Variants in PPP2R5C observed in about 807,000 individuals in gnomAD.
The protein encoded by PPP2R5C is serine/threonine-protein phosphatase 2A 56 kDa regulatory subunit gamma isoform.
In PPP2R5C, 7 loss-of-function variants were observed where a neutral mutation model predicts 68.9. The observed-to-expected ratio is 0.10, with a 90% CI of 0.06 to 0.19. The LOEUF (loss-of-function observed/expected upper bound fraction) is 0.19, where lower values mean the gene tolerates loss of function less well. Ranked by LOEUF, PPP2R5C falls within the 10% of genes least tolerant of loss-of-function variation. The probability of loss-of-function intolerance (pLI) is 1.00; values close to 1 mark genes in which losing one functional copy is unlikely to be tolerated. For synonymous variants in PPP2R5C, 210 were observed against 222.2 expected, an observed-to-expected ratio of 0.95 and a Z score of 0.49; for missense variants, 348 against 641.3, an observed-to-expected ratio of 0.54 and a Z score of 4.94.
Position 101,890,236 on chromosome 14 carries a change from G to A in PPP2R5C, c.630-1G>A. 1 of 1,611,896 alleles carries A rather than the reference G, an allele frequency of 6.2e-7. No homozygotes were observed. The highest frequency in any genetic ancestry group is 8.5e-7 in the Non-Finnish European group (1 of 1,178,690). Reference sequence around the variant, plus strand: ...TCTAATGGGAAAATTGTTTTTTCTAGGTTTATTTATGAAACAGAGCATCAT... The same window carrying A: ...TCTAATGGGAAAATTGTTTTTTCTAAGTTTATTTATGAAACAGAGCATCAT... On this transcript the variant is annotated splice_acceptor_variant, in intron 5 of 13. Transcript: ENST00000334743. LOFTEE classifies it high-confidence loss of function.
intron 1 of PPP2R5C, among the ~76,000 whole-genome samples, chr14:101,849,336 G>A (rs977999214): frequency 3.9e-5 from 6 of 152,172 alleles, no homozygotes; most frequent in African/African-American, 9.7e-5. Context: ...CCGCCCATGG[G>A]TGGTGTTCGG....
intron 3 of PPP2R5C, 54 bp from the exon 6 acceptor site, chr14:101,883,203 C>T (rs1741125): frequency 0.22 from 270,455 of 1,248,072 alleles, 39,995 homozygotes; most frequent in African/African-American, 0.74. Flanking sequence ...TATATTTTAA[C>T]CGCCATTCAA....
intron 3 of PPP2R5C, among the ~76,000 whole-genome samples, chr14:101,793,298 T>G (rs1432503174): frequency 6.6e-6 from 1 of 152,230 alleles, no homozygotes; most frequent in Non-Finnish European, 1.5e-5. Context: ...ATGCTTTCAA[T>G]GGAGGGAGCG....
chr14:101,884,855 G>A (rs544968318), intron 5 of PPP2R5C, among the ~76,000 whole-genome samples: 6 of 152,348 alleles, frequency 3.9e-5, no homozygotes, highest in East Asian at 1.9e-4. Context: ...TTGATTTGTC[G>A]CACGCCCCAC....
chr14:101,798,969 TTAA>T (rs2038740579), intron 3 of PPP2R5C, among the ~76,000 whole-genome samples: 1 of 152,222 alleles, frequency 6.6e-6, no homozygotes, highest in African/African-American at 2.4e-5. Flanking sequence ...CATATCCCTC[TTAA>T]TTATGTGCTA....
upstream of PPP2R5C, among the ~76,000 whole-genome samples, chr14:101,761,405 C>G: frequency 6.6e-6 from 1 of 151,824 alleles, no homozygotes; most frequent in Non-Finnish European, 1.5e-5. Context: ...GCTCAGCGGT[C>G]AGCCCCGCGC....
intron 2 of PPP2R5C, among the ~76,000 whole-genome samples, chr14:101,860,301 T>C (rs2042671713): frequency 6.6e-6 from 1 of 152,212 alleles, no homozygotes; most frequent in Non-Finnish European, 1.5e-5. Flanking sequence ...TTACAGAATA[T>C]GTACCCTTTG....
chr14:101,811,613 G>A (rs531987801), intron 1 of PPP2R5C, among the ~76,000 whole-genome samples: 154 of 152,268 alleles, frequency 1.0e-3, no homozygotes, highest in South Asian at 3.7e-3. Flanking sequence ...AAAGTGCTAA[G>A]ATTACAGGTA....
At chr14:101,821,690 C>T (rs1050424165) in intron 1 of PPP2R5C, among the ~76,000 whole-genome samples, 7 of 151,542 alleles carry the variant, frequency 4.6e-5, no homozygotes, top group African/African-American at 1.5e-4. Context: ...TGTATACATA[C>T]GTTACGTAAA....
chr14:101,764,030 G>GTGTGTGCGCGC (rs1462659583), intron 2 of PPP2R5C, among the ~76,000 whole-genome samples: 1 of 146,148 alleles, frequency 6.8e-6, no homozygotes, highest in South Asian at 2.2e-4. Flanking sequence ...TGTGTGTGTG[G>GTGTGTGCGCGC]GCGCGCGCAC....
chr14:101,838,481 AATATTTTGCC>A (rs1187926431), intron 1 of PPP2R5C, among the ~76,000 whole-genome samples: 3 of 152,254 alleles, frequency 2.0e-5, no homozygotes, highest in African/African-American at 7.2e-5. Context: ...CCCATTTGTC[AATATTTTGCC>A]ACATTTGCTG....
At chr14:101,775,399 A>G (rs1566826559) in intron 2 of PPP2R5C, among the ~76,000 whole-genome samples, 1 of 152,200 alleles carries the variant, frequency 6.6e-6, no homozygotes, top group Non-Finnish European at 1.5e-5. Context: ...TAGAGAAACT[A>G]ATAGACTTCC....
At chr14:101,892,875 G>T in intron 6 of PPP2R5C, 125 bp from the exon 9 acceptor site, 1 of 675,020 alleles carries the variant, frequency 1.5e-6, no homozygotes, top group Non-Finnish European at 2.5e-6. Flanking sequence ...ATGGCAACAT[G>T]CTTGGCTACG....
At chr14:101,775,410 A>G (rs1333161667) in intron 2 of PPP2R5C, among the ~76,000 whole-genome samples, 1 of 152,204 alleles carries the variant, frequency 6.6e-6, no homozygotes, top group Non-Finnish European at 1.5e-5. Flanking sequence ...ATAGACTTCC[A>G]TGTATCTGCT....
rs1318002188 is a variant in PPP2R5C, at chr14:101,781,634, A to G, written c.94-4384A>G. Among the ~76,000 whole-genome samples, 1 of 151,978 alleles carries G rather than the reference A, an allele frequency of 6.6e-6. No homozygotes were observed. Among genetic ancestry groups the G allele is most frequent in the Non-Finnish European group, 1.5e-5 (1 of 67,954 alleles). On this transcript the variant is annotated intron_variant, in intron 2 of 14. Transcript: ENST00000328724. The surrounding 1 kb of genome is among the most constrained non-coding windows in gnomAD (Gnocchi z 6.4). The stretch of plus-strand genomic sequence containing the variant: ...CTTAGCTCCCGCCGGCCGCCTCCGG[A>G]GCCTCCGGCATGGGCCCCAGGCCGG...
intron 2 of PPP2R5C, among the ~76,000 whole-genome samples, chr14:101,870,795 T>G (rs2043358968): frequency 6.6e-6 from 1 of 152,224 alleles, no homozygotes; most frequent in African/African-American, 2.4e-5. Context: ...CATTTTGGTC[T>G]TCTTGTTTTG....
intron 2 of PPP2R5C, among the ~76,000 whole-genome samples, chr14:101,777,505 A>G (rs1207942359): frequency 6.6e-6 from 1 of 151,778 alleles, no homozygotes; most frequent in Non-Finnish European, 1.5e-5. Context: ...AAGCACCACC[A>G]TGCCCGGCTA....
At chr14:101,761,753 G>A, upstream of PPP2R5C, 3 of 974,538 alleles carry the variant, frequency 3.1e-6, no homozygotes, top group Non-Finnish European at 3.6e-6. Flanking sequence ...AAAAGGGGAA[G>A]CGAGAGCAAG....
intron 1 of PPP2R5C, among the ~76,000 whole-genome samples, chr14:101,829,245 G>A (rs1282643563): frequency 2.0e-5 from 3 of 152,104 alleles, no homozygotes; most frequent in Admixed American, 1.3e-4. Context: ...AGAAAGGAAA[G>A]GAAGAGAAAA....
Sources: gnomAD v4.1 joint callset for allele counts (sites outside exome capture counted in the v4.1 genomes callset) on GRCh38, gnomAD v4.1.1 for gene constraint, Gnocchi (gnomAD v3.1) non-coding constraint, MANE v1.5 for transcripts, NCBI Gene and HGNC (gene_info 2026-07-23, HGNC 2026-07-21) for gene names.